CENPK: variants seen among roughly 807,000 people sequenced by gnomAD.
The protein encoded by CENPK is SoxLZ/Sox6-binding protein Solt.
CENPK carries 46 observed loss-of-function variants against 40.9 expected under a neutral mutation model. That is an observed-to-expected ratio of 1.13 (90% confidence interval 0.89 to 1.44). The LOEUF (loss-of-function observed/expected upper bound fraction) is 1.44, where lower values mean the gene tolerates loss of function less well. Ranked by LOEUF, CENPK falls within the 40% of genes most tolerant of loss-of-function variation. The pLI, the probability that CENPK is intolerant of heterozygous loss-of-function variation, is 0.00. For synonymous variants in CENPK, 107 were observed against 104.4 expected, an observed-to-expected ratio of 1.02 and a Z score of -0.15; for missense variants, 288 against 303.5, an observed-to-expected ratio of 0.95 and a Z score of 0.38.
Position 65,540,957 on chromosome 5 carries a change from A to G in CENPK, c.288+1845T>C, listed in dbSNP as rs1172067523. 2.6e-5 allele frequency among the ~76,000 whole-genome samples: 4 copies of G among 151,698 alleles called. No homozygotes were observed. The East Asian group carries it at 7.7e-4, about 29-fold the overall frequency. On this transcript the variant is annotated intron_variant, in intron 6 of 10. Transcript: ENST00000396679. The stretch of plus-strand genomic sequence containing the variant: ...CAAGTATCTGGGACTACAGGCACAC[A>G]CCATCACACACACACCACCACACAC...
In CENPK at chr5:65,563,113, A is replaced by G. The variant is rs41268429; in HGVS notation, c.-157T>C. On this transcript the variant is annotated 5_prime_UTR_variant, in exon 1 of 11. Transcript: ENST00000396679. Reference sequence around the variant, plus strand: ...CAGGTCTTACCATCACAGCGTCACAAACTCCAGGTCGCCTAGGCGCTGCGC... The same window carrying G: ...CAGGTCTTACCATCACAGCGTCACAGACTCCAGGTCGCCTAGGCGCTGCGC... The G allele has an allele frequency of 0.027, 16,592 of 613,652 alleles. 315 individuals are homozygous for G. Among genetic ancestry groups the G allele is most frequent in the South Asian group, 0.034 (1,632 of 47,962 alleles). 38.0% of individuals were successfully genotyped at this position (613,652 alleles called of 1,614,324 possible).
At chr5:65,536,592 C>A (rs1325717674) in intron 6 of CENPK, among the ~76,000 whole-genome samples, 2 of 151,918 alleles carry the variant, frequency 1.3e-5, no homozygotes, top group Non-Finnish European at 2.9e-5. Flanking sequence ...TACTACACTC[C>A]AACCGGGGCA....
intron 5 of CENPK, among the ~76,000 whole-genome samples, chr5:65,547,302 A>G (rs575069966): frequency 5.9e-5 from 9 of 152,128 alleles, no homozygotes; most frequent in Non-Finnish European, 1.3e-4. Context: ...CTGAGGCACA[A>G]GAACTGCTTG....
chr5:65,551,112 T>C, intron 5 of CENPK: 2 of 357,198 alleles, frequency 5.6e-6, no homozygotes, highest in Non-Finnish European at 1.1e-5. Flanking sequence ...TAACCAAGCA[T>C]GGTGGCACAC....
chr5:65,516,764 T>A (rs1742887116), downstream of CENPK, among the ~76,000 whole-genome samples: 1 of 152,004 alleles, frequency 6.6e-6, no homozygotes, highest in South Asian at 2.1e-4. Context: ...GGGAAAGTAT[T>A]AAGAATATTA....
chr5:65,548,009 G>A (rs991875361), intron 5 of CENPK, among the ~76,000 whole-genome samples: 1 of 152,142 alleles, frequency 6.6e-6, no homozygotes, highest in Non-Finnish European at 1.5e-5. Flanking sequence ...AGCCTACAAA[G>A]AAGACTAAGA....
chr5:65,551,498 C>T (rs1366515058), intron 5 of CENPK, 66 bp downstream of exon 5: 10 of 894,920 alleles, frequency 1.1e-5, no homozygotes, highest in Non-Finnish European at 1.7e-5. Flanking sequence ...ATTTTTCCTA[C>T]AATTATTAAA....
chr5:65,511,897 T>C, the CENPK span, among the ~76,000 whole-genome samples: 3 of 152,186 alleles, frequency 2.0e-5, no homozygotes, highest in Non-Finnish European at 4.4e-5. Flanking sequence ...CTCTGATGGA[T>C]TTGGATTTTC....
Position 65,529,035 on chromosome 5 carries a change from C to T in CENPK, c.372-18G>A. The T allele has an allele frequency of 6.4e-7, 1 of 1,560,774 alleles. No homozygotes were observed. The highest frequency in any genetic ancestry group is 8.8e-7 in the Non-Finnish European group (1 of 1,137,604). On this transcript the variant is annotated intron_variant, in intron 7 of 10. Coordinates refer to ENST00000396679, the MANE Select transcript of CENPK (RefSeq NM_022145.5). ...GTTGTTCCCTTTCGACATGGAAAAA[C>T]AATACAAGCAATATCTAAATAAAAC...
chr5:65,503,108 A>AT, the CENPK span, among the ~76,000 whole-genome samples: 68 of 117,836 alleles, frequency 5.8e-4, no homozygotes, highest in East Asian at 0.018. Context: ...CACCAATGTA[A>AT]TATTTTTTTT....
the CENPK span, among the ~76,000 whole-genome samples, chr5:65,508,043 T>C: frequency 1.6e-4 from 25 of 152,246 alleles, no homozygotes; most frequent in African/African-American, 6.0e-4. Flanking sequence ...TCAAGATATT[T>C]TGATTATTGA....
rs1268486647 is a variant in CENPK at position 65,517,951 on chromosome 5, T to A, written c.*524A>T. The A allele has an allele frequency of 6.6e-6, 1 of 152,118 alleles. No homozygotes were observed. Among genetic ancestry groups the A allele is most frequent in the Non-Finnish European group, 1.5e-5 (1 of 67,970 alleles). The allele number at this position is 152,118 out of a possible 1,614,324, so 9.4% of individuals were successfully genotyped here. A position where few individuals can be genotyped will look rare whatever the true frequency, so the allele number is the denominator to read the frequency against. ...GCTAGCTTTATCCATTAGTTTTTCA[T>A]ATTCCAATTTTAAACAAATCTAGAA... is the stretch of plus-strand genomic sequence containing the variant. On this transcript the variant is annotated 3_prime_UTR_variant, in exon 11 of 11. Transcript: ENST00000396679.
rs148016416 is a variant in CENPK at position 65,552,529 on chromosome 5, A to T, written c.132T>A (p.Leu44=). 4.7e-5 allele frequency: 73 copies of T among 1,549,802 alleles called. No individual in the cohort carries two copies. Among genetic ancestry groups the T allele is most frequent in the Non-Finnish European group, 6.3e-5 (72 of 1,149,856 alleles). The change falls in exon 4 of 11, where the codon CTT becomes CTA. Residue 44 remains leucine, a synonymous_variant. Transcript: ENST00000396679. The part of the protein sequence containing the change: ...DMEECQNKLS[L]IGTETLTDSN... ...AATCGGTGAGTGTTTCAGTTCCAATAAGTGATAATTTATTCTGACACTTGA... is the reference window on the plus strand; with the variant it reads ...AATCGGTGAGTGTTTCAGTTCCAATTAGTGATAATTTATTCTGACACTTGA...
At chr5:65,503,561 C>T in the CENPK span, among the ~76,000 whole-genome samples, 1 of 152,072 alleles carries the variant, frequency 6.6e-6, no homozygotes, top group Non-Finnish European at 1.5e-5. Flanking sequence ...TCTTTTTCTA[C>T]AGACAGAAAT....
At chr5:65,525,995 T>C (rs754603942) in intron 9 of CENPK, among the ~76,000 whole-genome samples, 43 of 152,118 alleles carry the variant, frequency 2.8e-4, no homozygotes, top group Middle Eastern at 3.2e-3. Flanking sequence ...ACAGTATTGT[T>C]GGGGAGAGAG....
intron 5 of CENPK, 93 bp from the exon 6 acceptor site, chr5:65,542,941 T>C: frequency 9.9e-7 from 1 of 1,005,422 alleles, no homozygotes; most frequent in Non-Finnish European, 1.5e-6. Context: ...GATACTTCTT[T>C]CCATCTCCAT....
intron 2 of CENPK, 81 bp downstream of exon 2, chr5:65,561,382 T>C (rs2150570965): frequency 5.7e-6 from 2 of 350,036 alleles, no homozygotes; most frequent in South Asian, 4.2e-5. Context: ...GGGATAAATA[T>C]TCAACAAATT....
At chr5:65,549,701 T>C (rs1387040534) in intron 5 of CENPK, among the ~76,000 whole-genome samples, 4 of 152,212 alleles carry the variant, frequency 2.6e-5, no homozygotes, top group African/African-American at 2.4e-5. Flanking sequence ...GCTTCACACT[T>C]TTCTTCTGCA....
Position 65,545,321 on chromosome 5 carries a change from C to T in CENPK, c.242-2473G>A, listed in dbSNP as rs952110217. Among the ~76,000 whole-genome samples the T allele has an allele frequency of 2.0e-3, 68 of 34,126 alleles. 4 individuals are homozygous for T. In the East Asian group the frequency reaches 0.098, roughly 49 times the overall value. The allele number at this position is 34,126 out of a possible 152,430, so 22.4% of individuals were successfully genotyped here. A position where few individuals can be genotyped will look rare whatever the true frequency, so the allele number is the denominator to read the frequency against. ...GAAGACAAAGAAAAAGTCCTCAAAGCGCGCACACACACACACACACACACA... is the reference window on the plus strand; with the variant it reads ...GAAGACAAAGAAAAAGTCCTCAAAGTGCGCACACACACACACACACACACA... On this transcript the variant is annotated intron_variant, in intron 5 of 10. Transcript: ENST00000396679.
Sources: gnomAD v4.1 joint callset for allele counts (sites outside exome capture counted in the v4.1 genomes callset) on GRCh38, gnomAD v4.1.1 for gene constraint, MANE v1.5 for transcripts, NCBI Gene and HGNC (gene_info 2026-07-23, HGNC 2026-07-21) for gene names.